NIPBL: variants seen among roughly 807,000 people sequenced by gnomAD.
NIPBL encodes the protein NIPBL cohesin loading factor.
A neutral mutation model predicts 321.8 loss-of-function variants in NIPBL; 19 were observed. That is an observed-to-expected ratio of 0.06 (90% CI 0.04 to 0.09). The LOEUF (loss-of-function observed/expected upper bound fraction) is 0.09. Among genes scored for constraint, NIPBL ranks in the 10% least tolerant of loss-of-function variants. The pLI is 1.00. For synonymous variants in NIPBL, 1,106 were observed against 1,114.1 expected (o/e 0.99, Z 0.14); for missense variants, 2,210 against 3,327.0 (o/e 0.66, Z 8.26).
intron 1 of NIPBL, among the ~76,000 whole-genome samples, chr5:36,919,387 T>C (rs1748741812): frequency 6.6e-6 from 1 of 151,914 alleles, no homozygotes; most frequent in Admixed American, 6.6e-5. Flanking sequence ...TTTTAAGAGA[T>C]AGGGTCTCAT....
intron 1 of NIPBL, among the ~76,000 whole-genome samples, chr5:36,879,705 C>G (rs780893034): frequency 7.9e-5 from 12 of 151,900 alleles, no homozygotes; most frequent in Non-Finnish European, 1.6e-4. Context: ...CCTTATAATC[C>G]TAGTTATATT....
chr5:37,063,896 G>T lies in NIPBL; in HGVS notation c.7967G>T (p.Gly2656Val). The T allele has an allele frequency of 3.1e-6, 5 of 1,614,040 alleles. No individual in the cohort carries two copies. Among genetic ancestry groups the T allele is most frequent in the Non-Finnish European group, 4.2e-6 (5 of 1,180,016 alleles). Reference protein sequence around the residue: ...RNKAITSLLGGGSPKNNTAAE... With the variant: ...RNKAITSLLGVGSPKNNTAAE... ...AAAGCAATTACCTCACTGCTTGGAG[G>T]AGGCAGCCCTAAAAATAATACAGCA... Residue 2656 changes from glycine (G) to valine (V), a missense_variant, in exon 46 of 47, where the codon GGA (glycine) becomes GTA (valine). Physicochemically the swap from Gly to Val is moderately radical, Grantham distance 109. This residue lies in a region of NIPBL where 159 missense variants were observed against 319.2 expected (regional missense o/e 0.50). Transcript: ENST00000282516.
In NIPBL at chr5:37,043,526, C is replaced by CA. The variant is rs11288989; in HGVS notation, c.6109-808dup. Among the ~76,000 whole-genome samples, 177 of 142,158 alleles carry CA rather than the reference C, an allele frequency of 1.2e-3. 2 individuals carry two copies. Among genetic ancestry groups the CA allele is most frequent in the South Asian group, 8.4e-3 (38 of 4,508 alleles). 93.3% of individuals were successfully genotyped at this position (142,158 alleles called of 152,430 possible). A position where few individuals can be genotyped will look rare whatever the true frequency, so the allele number is the denominator to read the frequency against. On this transcript the variant is annotated intron_variant, in intron 34 of 46. Transcript: ENST00000282516. ...TGGGCAACAGAGCAAGACTCTGTCT[C>CA]AAAAAAAAAAAAAGACAATTAAAAA...
intron 42 of NIPBL, among the ~76,000 whole-genome samples, chr5:37,052,923 A>G (rs183234362): frequency 2.6e-4 from 39 of 152,280 alleles, no homozygotes; most frequent in Admixed American, 2.4e-3. Flanking sequence ...GTTTTTGGCT[A>G]TTGAGATCCC....
Position 37,065,171 on chromosome 5 carries a change from T to A in NIPBL, c.*279T>A. On this transcript the variant is annotated 3_prime_UTR_variant, in exon 47 of 47. Coordinates refer to ENST00000282516, the MANE Select transcript of NIPBL (RefSeq NM_133433.4). ...AAAAAAACTTTCTGTTTAAAAAAAA[T>A]AAACAAGTGAATGTTGGAAATTAGT... is the stretch of plus-strand genomic sequence containing the variant. 1 of 441,162 alleles carries A rather than the reference T, an allele frequency of 2.3e-6. No homozygotes were observed. The highest frequency in any genetic ancestry group is 4.1e-6 in the Non-Finnish European group (1 of 244,036). 27.3% of individuals were successfully genotyped at this position (441,162 alleles called of 1,614,324 possible). A position where few individuals can be genotyped will look rare whatever the true frequency, so the allele number is the denominator to read the frequency against.
At chr5:37,039,746 A>T (rs1164963979) in intron 34 of NIPBL, among the ~76,000 whole-genome samples, 1 of 152,084 alleles carries the variant, frequency 6.6e-6, no homozygotes, top group Non-Finnish European at 1.5e-5. Flanking sequence ...TGATTATCCA[A>T]ATTACAAGCT....
intron 42 of NIPBL, among the ~76,000 whole-genome samples, chr5:37,056,406 G>A (rs1042664902): frequency 1.5e-4 from 23 of 152,000 alleles, no homozygotes; most frequent in African/African-American, 5.6e-4. Context: ...ATATTTAAAA[G>A]AAATTTGAAT....
At chr5:36,886,557 T>C (rs1160362688) in intron 1 of NIPBL, 16 of 642,850 alleles carry the variant, frequency 2.5e-5, no homozygotes, top group Non-Finnish European at 3.9e-5. Context: ...TCAGAGGTCA[T>C]TGGGGGAAAA....
chr5:37,026,444 C>T, intron 31 of NIPBL, 117 bp downstream of exon 31: 1 of 714,922 alleles, frequency 1.4e-6, no homozygotes, highest in Non-Finnish European at 2.6e-6. Context: ...ACATTTCGTA[C>T]TGCTGCCTTT....
chr5:37,045,781 A>C (rs1252715363), intron 37 of NIPBL, among the ~76,000 whole-genome samples, 184 bp downstream of exon 37: 4 of 152,200 alleles, frequency 2.6e-5, no homozygotes, highest in Non-Finnish European at 5.9e-5. Context: ...ACTTTTTGTT[A>C]CTGGTGTGTA....
intron 2 of NIPBL, among the ~76,000 whole-genome samples, chr5:36,955,185 G>A (rs1740804104): frequency 6.6e-6 from 1 of 152,148 alleles, no homozygotes; most frequent in African/African-American, 2.4e-5. Flanking sequence ...TTGTAACCAT[G>A]CCTTTTTCGC....
intron 34 of NIPBL, among the ~76,000 whole-genome samples, chr5:37,042,616 C>T (rs1039577005): frequency 2.6e-5 from 4 of 151,732 alleles, no homozygotes; most frequent in Admixed American, 6.6e-5. Flanking sequence ...ATGGTGAAAC[C>T]CCATCTCTAC....
chr5:36,973,748 C>T (rs2149625014), intron 8 of NIPBL, among the ~76,000 whole-genome samples: 1 of 152,216 alleles, frequency 6.6e-6, no homozygotes. Flanking sequence ...GGATTACAGG[C>T]GTGAGCCACC....
chr5:36,878,888 C>T (rs1029525702), intron 1 of NIPBL, among the ~76,000 whole-genome samples: 6 of 151,974 alleles, frequency 3.9e-5, no homozygotes, highest in Non-Finnish European at 8.8e-5. Flanking sequence ...GGCCTCCCTC[C>T]CTCCCACTAA....
intron 34 of NIPBL, among the ~76,000 whole-genome samples, chr5:37,043,359 C>G (rs1752649110): frequency 6.6e-6 from 1 of 152,066 alleles, no homozygotes; most frequent in Admixed American, 6.6e-5. Context: ...GAAACCCCGT[C>G]TCTACTAAAA....
At position 37,022,244 on chromosome 5, in the gene NIPBL, C is replaced by T; in HGVS notation, c.5428C>T (p.Leu1810Phe). ...TTTTTTTCTCTTCATTTTTCTTTAG[C>T]TTGATATGCAACGAGGTGTTCATGG... ...VAVDPSILAR[L>F]DMQRGVHGRL... Residue 1810 changes from leucine to phenylalanine, a missense_variant and splice_region_variant, in exon 29 of 47, where the codon CTT becomes TTT. Around this residue, in one of 14 missense-constraint regions of NIPBL, gnomAD observed 49 missense variants for 163.6 expected, o/e 0.30. Transcript: ENST00000282516. 1 of 1,613,892 alleles carries T rather than the reference C, an allele frequency of 6.2e-7. No individual in the cohort carries two copies. The highest frequency in any genetic ancestry group is 1.1e-5 in the South Asian group (1 of 91,064).
Position 36,946,267 on chromosome 5 carries a change from T to C in NIPBL, c.-79-7351T>C, listed in dbSNP as rs1380271539. On this transcript the variant is annotated intron_variant, in intron 1 of 46. Transcript: ENST00000282516. ...AGTATGTTAACAGATTTACCCTTAG[T>C]TTTCTGGCCCACCAAGACTCCAGCA... Among the ~76,000 whole-genome samples, 4 of 151,992 alleles carry C rather than the reference T, an allele frequency of 2.6e-5. No homozygotes were observed. In the East Asian group the frequency reaches 7.8e-4, roughly 29 times the overall value.
At chr5:36,928,308 ATTGCT>A (rs1488098725) in intron 1 of NIPBL, among the ~76,000 whole-genome samples, 1 of 152,190 alleles carries the variant, frequency 6.6e-6, no homozygotes, top group East Asian at 1.9e-4. Context: ...TAAAAACATG[ATTGCT>A]TTGCCTATTC....
chr5:37,001,710 A>C (rs1390446696), intron 14 of NIPBL, among the ~76,000 whole-genome samples: 2 of 152,184 alleles, frequency 1.3e-5, no homozygotes, highest in Non-Finnish European at 2.9e-5. Context: ...TATGGAAAAC[A>C]AAATAGTAAA....
Sources: allele counts gnomAD v4.1 joint callset (sites outside exome capture counted in the v4.1 genomes callset), GRCh38; gene constraint gnomAD v4.1.1; regional missense constraint gnomAD v4.1.1; transcripts MANE v1.5; gene names NCBI Gene and HGNC (gene_info 2026-07-23, HGNC 2026-07-21).